Variants in TDP1 observed in about 807,000 individuals in gnomAD.
The protein encoded by TDP1 is tyrosyl-DNA phosphodiesterase 1.
A neutral mutation model predicts 81.5 loss-of-function variants in TDP1; 64 were observed. The observed-to-expected ratio is 0.79, with a 90% CI of 0.64 to 0.97. TDP1 has a LOEUF of 0.97. Ranked by LOEUF, TDP1 falls within the 50% of genes least tolerant of loss-of-function variation. The pLI is 0.00. For synonymous variants in TDP1, 256 were observed against 264.3 expected (o/e 0.97, Z 0.30); for missense variants, 723 against 743.8 (o/e 0.97, Z 0.33).
intron 14 of TDP1, among the ~76,000 whole-genome samples, chr14:90,001,730 A>C (rs1442213746): frequency 6.6e-6 from 1 of 152,166 alleles, no homozygotes; most frequent in Non-Finnish European, 1.5e-5. Context: ...TTCAACTTCT[A>C]ATTCAAATGC....
intron 14 of TDP1, among the ~76,000 whole-genome samples, chr14:89,998,126 CTG>C (rs1566890146): frequency 6.6e-6 from 1 of 151,796 alleles, no homozygotes; most frequent in African/African-American, 2.4e-5. Flanking sequence ...CCTATACTGT[CTG>C]TTAATATCCC....
At chr14:90,036,351 T>G (rs192809805) in intron 16 of TDP1, among the ~76,000 whole-genome samples, 217 of 152,280 alleles carry the variant, frequency 1.4e-3, no homozygotes, top group Non-Finnish European at 2.7e-3. Context: ...TTACCAAGAT[T>G]GAAAAAGTAA....
intron 15 of TDP1, among the ~76,000 whole-genome samples, chr14:90,020,720 A>G (rs1291661869): frequency 7.2e-6 from 1 of 139,400 alleles, no homozygotes; most frequent in East Asian, 2.1e-4. Flanking sequence ...TCCATTGTGG[A>G]CAACACCAAC....
chr14:90,006,523 G>A (rs1032327397), intron 14 of TDP1, among the ~76,000 whole-genome samples: 28 of 151,940 alleles, frequency 1.8e-4, no homozygotes, highest in South Asian at 2.1e-4. Flanking sequence ...GGGACTACAG[G>A]TGTATGCCAC....
intron 14 of TDP1, among the ~76,000 whole-genome samples, chr14:90,004,481 T>C (rs1426722250): frequency 6.6e-6 from 1 of 152,212 alleles, no homozygotes. Flanking sequence ...AGCTAGGTAC[T>C]GCTACTATCC....
At chr14:90,004,418 A>G (rs1178695521) in intron 14 of TDP1, among the ~76,000 whole-genome samples, 1 of 152,206 alleles carries the variant, frequency 6.6e-6, no homozygotes, top group Non-Finnish European at 1.5e-5. Flanking sequence ...GGTGCTTACT[A>G]TATGCTGGCC....
At chr14:90,037,736 C>T (rs1294845952) in intron 16 of TDP1, among the ~76,000 whole-genome samples, 3 of 152,144 alleles carry the variant, frequency 2.0e-5, no homozygotes, top group African/African-American at 7.2e-5. Context: ...AAGGCATTCT[C>T]TTACGTAACT....
chr14:90,041,309 C>T (rs1233860421), intron 16 of TDP1, among the ~76,000 whole-genome samples: 1 of 152,190 alleles, frequency 6.6e-6, no homozygotes, highest in Non-Finnish European at 1.5e-5. Flanking sequence ...AGGAAACAAG[C>T]ATGCAACACA....
At chr14:90,011,987 A>G (rs1361369514) in intron 14 of TDP1, among the ~76,000 whole-genome samples, 1 of 152,264 alleles carries the variant, frequency 6.6e-6, no homozygotes, top group African/African-American at 2.4e-5. Flanking sequence ...AGACCCTCCC[A>G]TCACATGCCT....
intron 11 of TDP1, 139 bp from the exon 12 acceptor site, chr14:89,989,577 TG>T: frequency 1.8e-6 from 2 of 1,110,668 alleles, no homozygotes; most frequent in Non-Finnish European, 2.6e-6. Context: ...TTTCATAAGA[TG>T]AGAACTTTTA....
intron 7 of TDP1, chr14:89,980,206 C>G: frequency 1.0e-6 from 1 of 985,378 alleles, no homozygotes. Context: ...TCTCAAACAC[C>G]AGACCAGAAG....
intron 5 of TDP1, among the ~76,000 whole-genome samples, chr14:89,969,719 T>G (rs1893373853): frequency 6.6e-6 from 1 of 152,202 alleles, no homozygotes; most frequent in Non-Finnish European, 1.5e-5. Context: ...TGGAAATAGA[T>G]GTTTCTCTCT....
At chr14:90,020,208 G>C (rs1885809534) in intron 15 of TDP1, among the ~76,000 whole-genome samples, 1 of 152,132 alleles carries the variant, frequency 6.6e-6, no homozygotes, top group Non-Finnish European at 1.5e-5. Flanking sequence ...AATCACGCTT[G>C]ACCCAGAGAG....
chr14:89,957,302 A>G (rs549675816), intron 2 of TDP1: 23 of 152,338 alleles, frequency 1.5e-4, no homozygotes, highest in African/African-American at 5.1e-4. Flanking sequence ...GGTAGAAACT[A>G]TATTGTTAAC....
intron 16 of TDP1, among the ~76,000 whole-genome samples, chr14:90,037,584 C>T (rs1352831889): frequency 1.3e-5 from 2 of 152,156 alleles, no homozygotes; most frequent in African/African-American, 4.8e-5. Flanking sequence ...AATTCCTGCA[C>T]ACTCTTTACC....
At chr14:90,037,632 C>CCT (rs1223437129) in intron 16 of TDP1, among the ~76,000 whole-genome samples, 1 of 152,306 alleles carries the variant, frequency 6.6e-6, no homozygotes, top group East Asian at 1.9e-4. Context: ...ACATTTACAT[C>CCT]CTCTCTCATA....
At chr14:89,965,965 A>G in intron 3 of TDP1, 182 bp from the exon 4 acceptor site, 1 of 754,272 alleles carries the variant, frequency 1.3e-6, no homozygotes, top group South Asian at 6.0e-5. Flanking sequence ...AATATTAAAT[A>G]CCATAGGGAA....
intron 7 of TDP1, chr14:89,980,185 C>A (rs1046910474): frequency 6.7e-5 from 66 of 985,244 alleles, no homozygotes; most frequent in Admixed American, 1.2e-4. Context: ...GGTTGTTGAC[C>A]ATACTTTGAA....
intron 14 of TDP1, among the ~76,000 whole-genome samples, chr14:90,001,205 G>T (rs940982554): frequency 1.6e-4 from 25 of 152,232 alleles, no homozygotes; most frequent in African/African-American, 5.5e-4. Flanking sequence ...TCAGGAATTG[G>T]AATCTTATAA....
Sources: allele counts gnomAD v4.1 joint callset (sites outside exome capture counted in the v4.1 genomes callset), GRCh38; gene constraint gnomAD v4.1.1; transcripts MANE v1.5; gene names NCBI Gene and HGNC (gene_info 2026-07-23, HGNC 2026-07-21).